The following C1QTNF3 variants were observed in gnomAD, a reference collection of about 807,000 sequenced individuals.
C1QTNF3 encodes C1q and TNF related 3, also known as complement C1q tumor necrosis factor-related protein 3.
In C1QTNF3, 26 loss-of-function variants were observed where a neutral mutation model predicts 32.6. The ratio of observed to expected loss-of-function variants is 0.80; its 90% CI spans 0.58 to 1.11. The LOEUF is 1.11. C1QTNF3 is among the 50% of genes least tolerant of loss of function. C1QTNF3 has a pLI of 0.00. For missense variants in C1QTNF3, 362 were observed against 398.2 expected, an observed-to-expected ratio of 0.91 and a Z score of 0.77; for synonymous variants, 155 against 146.0, an observed-to-expected ratio of 1.06 and a Z score of -0.44.
chr5:34,134,067 G>A, the C1QTNF3 span, among the ~76,000 whole-genome samples: 1 of 152,070 alleles, frequency 6.6e-6, no homozygotes, highest in African/African-American at 2.4e-5. Context: ...CAAAATGAGT[G>A]TTCCTCATTT....
At chr5:34,121,348 A>C in the C1QTNF3 span, among the ~76,000 whole-genome samples, 1 of 152,164 alleles carries the variant, frequency 6.6e-6, no homozygotes, top group South Asian at 2.1e-4. Flanking sequence ...CATACCTGAG[A>C]CTGGGAAGAA....
At chr5:34,140,453 G>C in the C1QTNF3 span, among the ~76,000 whole-genome samples, 1 of 152,144 alleles carries the variant, frequency 6.6e-6, no homozygotes, top group Admixed American at 6.5e-5. Flanking sequence ...TAATTCCAAA[G>C]TTATTAACAC....
the C1QTNF3 span, among the ~76,000 whole-genome samples, chr5:34,097,176 T>C: frequency 6.6e-6 from 1 of 151,892 alleles, no homozygotes; most frequent in Non-Finnish European, 1.5e-5. Context: ...ATATAAACTA[T>C]GTAAAACCCA....
chr5:34,225,699 T>C, the C1QTNF3 span, among the ~76,000 whole-genome samples: 1 of 151,864 alleles, frequency 6.6e-6, no homozygotes, highest in African/African-American at 2.4e-5. Context: ...GCCCCAAACC[T>C]TGGTCTTGGG....
chr5:34,023,889 T>A lies in C1QTNF3; in HGVS notation c.800+20A>T, dbSNP rs758530558. On this transcript the variant is annotated intron_variant, in intron 5 of 5. Coordinates refer to ENST00000382065, the MANE Select transcript of C1QTNF3 (RefSeq NM_181435.6). Reference sequence around the variant, plus strand: ...ACAATGGCAGCATGGATGAGACCCATGACAGAAAAGACCACCCACCTGTAC... The same window carrying A: ...ACAATGGCAGCATGGATGAGACCCAAGACAGAAAAGACCACCCACCTGTAC... 5 of 1,598,134 alleles carry A rather than the reference T, an allele frequency of 3.1e-6. No homozygotes were observed. In the African/African-American group the frequency reaches 5.4e-5, roughly 17 times the overall value.
the C1QTNF3 span, among the ~76,000 whole-genome samples, chr5:34,172,854 C>G: frequency 6.6e-6 from 1 of 152,120 alleles, no homozygotes; most frequent in Non-Finnish European, 1.5e-5. Context: ...TACCAATTAC[C>G]TGTTGAAGAA....
At chr5:34,088,471 A>G in the C1QTNF3 span, among the ~76,000 whole-genome samples, 1 of 151,986 alleles carries the variant, frequency 6.6e-6, no homozygotes, top group Non-Finnish European at 1.5e-5. Context: ...AATAGTATCT[A>G]TATTTTATTT....
chr5:34,124,441 A>G, the C1QTNF3 span: 1 of 716,568 alleles, frequency 1.4e-6, no homozygotes, highest in Non-Finnish European at 2.6e-6. Context: ...GGCCTCAGGG[A>G]GCTCTTAGTC....
At chr5:34,057,775 C>T in the C1QTNF3 span, among the ~76,000 whole-genome samples, 1 of 152,174 alleles carries the variant, frequency 6.6e-6, no homozygotes. Flanking sequence ...AGTTGGACAA[C>T]TTTATTAAGT....
the C1QTNF3 span, among the ~76,000 whole-genome samples, chr5:34,218,704 T>G: frequency 6.6e-6 from 1 of 152,098 alleles, no homozygotes; most frequent in Non-Finnish European, 1.5e-5. Context: ...TGATAATAAA[T>G]AAGAGTTCCT....
the C1QTNF3 span, among the ~76,000 whole-genome samples, chr5:34,053,003 G>T: frequency 1.9e-3 from 284 of 152,262 alleles, no homozygotes; most frequent in African/African-American, 6.6e-3. Context: ...CAATTTTGAA[G>T]ATATTTTCTT....
the C1QTNF3 span, among the ~76,000 whole-genome samples, chr5:34,157,633 G>A: frequency 6.6e-6 from 1 of 152,192 alleles, no homozygotes. Context: ...AGAGAGATGT[G>A]ACTATAGAAG....
At chr5:34,138,284 C>T in the C1QTNF3 span, among the ~76,000 whole-genome samples, 1 of 152,116 alleles carries the variant, frequency 6.6e-6, no homozygotes, top group African/African-American at 2.4e-5. Context: ...TCTTAACAAG[C>T]ATAGTAATAC....
At chr5:34,228,251 G>A in the C1QTNF3 span, among the ~76,000 whole-genome samples, 1 of 149,546 alleles carries the variant, frequency 6.7e-6, no homozygotes, top group South Asian at 2.1e-4. Context: ...CAAGTGTCTA[G>A]GAATATTAGC....
At chr5:34,124,987 C>T in the C1QTNF3 span, among the ~76,000 whole-genome samples, 69 of 152,270 alleles carry the variant, frequency 4.5e-4, no homozygotes, top group East Asian at 0.011. Context: ...GGACTCAAAT[C>T]TCTCAGCCTC....
chr5:34,145,358 C>T, the C1QTNF3 span, among the ~76,000 whole-genome samples: 1 of 152,002 alleles, frequency 6.6e-6, no homozygotes, highest in East Asian at 1.9e-4. Flanking sequence ...TCTCAGACTA[C>T]TATGAACAAC....
the C1QTNF3 span, among the ~76,000 whole-genome samples, chr5:34,171,220 G>A: frequency 1.3e-5 from 2 of 151,656 alleles, no homozygotes; most frequent in Non-Finnish European, 2.9e-5. Context: ...GGTTTCCACC[G>A]AGATATTTTC....
chr5:34,163,109 G>A, the C1QTNF3 span, among the ~76,000 whole-genome samples: 1 of 152,144 alleles, frequency 6.6e-6, no homozygotes, highest in African/African-American at 2.4e-5. Flanking sequence ...GGCAGCTTCT[G>A]TGTCTTACCT....
At chr5:34,229,095 G>A in the C1QTNF3 span, among the ~76,000 whole-genome samples, 5 of 152,018 alleles carry the variant, frequency 3.3e-5, no homozygotes, top group Admixed American at 6.6e-5. Context: ...CATGCTGCAC[G>A]CAGGAAAGAA....
Sources: allele counts gnomAD v4.1 joint callset (sites outside exome capture counted in the v4.1 genomes callset), GRCh38; gene constraint gnomAD v4.1.1; transcripts MANE v1.5; gene names NCBI Gene and HGNC (gene_info 2026-07-23, HGNC 2026-07-21).